The following SPICE1 variants were observed in gnomAD, a reference collection of about 807,000 sequenced individuals.
SPICE1 encodes the protein spindle and centriole associated protein 1.
Under a neutral mutation model 102.7 loss-of-function variants are expected in SPICE1, and 75 were observed. That is an observed-to-expected ratio of 0.73 (90% confidence interval 0.61 to 0.88). The LOEUF is 0.88. Ranked by LOEUF, SPICE1 falls within the 40% of genes least tolerant of loss-of-function variation. The pLI is 0.00. For missense variants in SPICE1, 979 were observed against 1,020.1 expected, an observed-to-expected ratio of 0.96 and a Z score of 0.55; for synonymous variants, 308 against 350.3, an observed-to-expected ratio of 0.88 and a Z score of 1.35.
At chr3:113,445,456 A>G in intron 17 of SPICE1, 96 bp from the exon 18 acceptor site, 1 of 986,262 alleles carries the variant, frequency 1.0e-6, no homozygotes, top group Non-Finnish European at 1.6e-6. Context: ...CATAAAACAA[A>G]GTCATCCTGT....
Position 113,468,758 on chromosome 3 carries a change from G to T in SPICE1, c.889+4C>A. 6.2e-7 allele frequency: 1 copy of T among 1,611,158 alleles called. No individual in the cohort carries two copies. Among genetic ancestry groups the T allele is most frequent in the South Asian group, 1.1e-5 (1 of 90,156 alleles). On this transcript the variant is annotated splice_donor_region_variant and intron_variant, in intron 9 of 17. Coordinates refer to ENST00000295872, the MANE Select transcript of SPICE1 (RefSeq NM_144718.4). Reference sequence around the variant, plus strand: ...ATTCATCTTTGTAAATTAAGGGACTGAACCTTTATTTAACAGCTGTTTTTG... The same window carrying T: ...ATTCATCTTTGTAAATTAAGGGACTTAACCTTTATTTAACAGCTGTTTTTG...
At chr3:113,471,301 T>A (rs946173073) in intron 7 of SPICE1, among the ~76,000 whole-genome samples, 3 of 152,126 alleles carry the variant, frequency 2.0e-5, no homozygotes, top group Non-Finnish European at 4.4e-5. Context: ...CACATATTTT[T>A]TAAAAAAAAT....
At chr3:113,468,478 T>G in intron 9 of SPICE1, 74 bp from the exon 10 acceptor site, 2 of 1,491,382 alleles carry the variant, frequency 1.3e-6, no homozygotes, top group Non-Finnish European at 1.8e-6. Context: ...AAAAATCTTT[T>G]GACTATTGTT....
In SPICE1 at chr3:113,514,042, T is replaced by A. The variant is rs1423357326; in HGVS notation, c.-1+855A>T. On this transcript the variant is annotated intron_variant, in intron 1 of 17. Coordinates refer to ENST00000295872, the MANE Select transcript of SPICE1 (RefSeq NM_144718.4). ...CTCCTCTCTGTAATACCCCCAAAAA[T>A]GTTTGCACTGAGAGCTAAAATACGA... Among the ~76,000 whole-genome samples, 4 of 152,216 alleles carry A rather than the reference T, an allele frequency of 2.6e-5. No homozygotes were observed. The East Asian group carries it at 7.7e-4, about 29-fold the overall frequency.
chr3:113,473,830 T>A (rs1211116808), intron 7 of SPICE1, among the ~76,000 whole-genome samples: 1 of 151,666 alleles, frequency 6.6e-6, no homozygotes, highest in East Asian at 1.9e-4. Context: ...CGCTGCAAAA[T>A]CATGCCAAAT....
intron 12 of SPICE1, chr3:113,459,417 T>C: frequency 1.1e-6 from 1 of 925,882 alleles, no homozygotes; most frequent in Non-Finnish European, 1.3e-6. Context: ...GATCAATAAA[T>C]ACTAAAAAAA....
In SPICE1 at chr3:113,515,137, C is replaced by A; in HGVS notation, c.-241G>T. ...CAGCTAAAACTTCAGGCGCCGGAAC[C>A]GCGGAGCGCGCCACAGGTTAACCCA... is the stretch of plus-strand genomic sequence containing the variant. On this transcript the variant is annotated 5_prime_UTR_variant, in exon 1 of 18. Transcript: ENST00000295872. The A allele has an allele frequency of 5.8e-6, 1 of 172,690 alleles. No homozygotes were observed. The highest frequency in any genetic ancestry group is 6.2e-5 in the Admixed American group (1 of 16,032). 10.7% of individuals were successfully genotyped at this position (172,690 alleles called of 1,614,324 possible).
chr3:113,455,324 A>C (rs1935755735), intron 13 of SPICE1, among the ~76,000 whole-genome samples: 1 of 152,248 alleles, frequency 6.6e-6, no homozygotes, highest in Non-Finnish European at 1.5e-5. Flanking sequence ...GCTGTAAAGA[A>C]AAGCAGAAAT....
chr3:113,501,370 G>C (rs1220145796), intron 3 of SPICE1, among the ~76,000 whole-genome samples: 3 of 151,956 alleles, frequency 2.0e-5, no homozygotes, highest in Admixed American at 2.0e-4. Context: ...AGTTTCTTAG[G>C]TATGATACTA....
At chr3:113,449,658 C>T (rs560208493) in intron 15 of SPICE1, 1 of 152,366 alleles carries the variant, frequency 6.6e-6, no homozygotes, top group South Asian at 2.1e-4. Context: ...GTTTGAACAT[C>T]TCAGAGAACA....
At chr3:113,458,241 G>T (rs1935828745) in intron 12 of SPICE1, among the ~76,000 whole-genome samples, 1 of 149,420 alleles carries the variant, frequency 6.7e-6, no homozygotes, top group South Asian at 2.1e-4. Flanking sequence ...TCTCCTCTTT[G>T]CACGTCTCCC....
intron 4 of SPICE1, among the ~76,000 whole-genome samples, chr3:113,496,469 A>G (rs1206085215): frequency 6.6e-6 from 1 of 152,154 alleles, no homozygotes; most frequent in Non-Finnish European, 1.5e-5. Flanking sequence ...CTTTTGTACC[A>G]CAGTAAAAGA....
chr3:113,477,967 GA>G lies in SPICE1; in HGVS notation c.612-8730del, dbSNP rs200944027. 8.6e-3 allele frequency among the ~76,000 whole-genome samples: 1,264 copies of G among 146,596 alleles called. 22 individuals carry two copies. Among genetic ancestry groups the G allele is most frequent in the African/African-American group, 0.03 (1,192 of 39,812 alleles). On this transcript the variant is annotated intron_variant, in intron 7 of 17. Coordinates refer to ENST00000295872, the MANE Select transcript of SPICE1 (RefSeq NM_144718.4). ...TAAAATAAAATAAAAAGAATCTGCCGAAAAAAAAGCATTAAAAAAAAATTTA... is the reference window on the plus strand; with the variant it reads ...TAAAATAAAATAAAAAGAATCTGCCGAAAAAAAGCATTAAAAAAAAATTTA...
intron 11 of SPICE1, among the ~76,000 whole-genome samples, chr3:113,462,403 C>G (rs1460881110): frequency 6.6e-6 from 1 of 152,158 alleles, no homozygotes; most frequent in Non-Finnish European, 1.5e-5. Context: ...TAGCTCAGGA[C>G]AGTTCACAAT....
chr3:113,502,662 T>TAAAAAAAAA (rs35248720), intron 3 of SPICE1, among the ~76,000 whole-genome samples: 2 of 87,284 alleles, frequency 2.3e-5, no homozygotes, highest in African/African-American at 9.2e-5. Flanking sequence ...CAATAAATCT[T>TAAAAAAAAA]AAAAAAAAAA....
chr3:113,460,389 A>C, intron 12 of SPICE1: 1 of 928,800 alleles, frequency 1.1e-6, no homozygotes, highest in Non-Finnish European at 1.3e-6. Flanking sequence ...ACCTCATCAG[A>C]CTATTATGAC....
intron 9 of SPICE1, 75 bp from the exon 10 acceptor site, chr3:113,468,479 G>T: frequency 6.7e-7 from 1 of 1,488,060 alleles, no homozygotes; most frequent in South Asian, 1.3e-5. Context: ...AAAATCTTTT[G>T]ACTATTGTTC....
intron 1 of SPICE1, among the ~76,000 whole-genome samples, chr3:113,509,795 T>C (rs72946770): frequency 0.032 from 4,806 of 152,272 alleles, 249 homozygotes; most frequent in African/African-American, 0.11. Flanking sequence ...GGGAAGTGAT[T>C]GGATCATGGG....
chr3:113,477,062 TACA>T (rs1228483516), intron 7 of SPICE1, among the ~76,000 whole-genome samples: 1 of 151,632 alleles, frequency 6.6e-6, no homozygotes, highest in Non-Finnish European at 1.5e-5. Context: ...ATCCAGAATC[TACA>T]AAGAACTCAA....
Sources: allele counts gnomAD v4.1 joint callset (sites outside exome capture counted in the v4.1 genomes callset), GRCh38; gene constraint gnomAD v4.1.1; transcripts MANE v1.5; gene names NCBI Gene and HGNC (gene_info 2026-07-23, HGNC 2026-07-21).